Variants in ITPR2 observed in about 807,000 individuals in gnomAD.
The protein encoded by ITPR2 is inositol 1,4,5-trisphosphate receptor type 2.
Under a neutral mutation model 317.1 loss-of-function variants are expected in ITPR2, and 207 were observed. The ratio of observed to expected loss-of-function variants is 0.65; its 90% CI spans 0.58 to 0.73. ITPR2 has a LOEUF of 0.73. ITPR2 is among the 30% of genes least tolerant of loss of function. ITPR2 has a pLI of 0.00. For synonymous variants in ITPR2, 1,156 were observed against 1,149.1 expected (o/e 1.01, Z -0.12); for missense variants, 2,613 against 3,284.0 (o/e 0.80, Z 4.99).
At chr12:26,813,562 T>G (rs1950793618) in intron 1 of ITPR2, among the ~76,000 whole-genome samples, 1 of 152,252 alleles carries the variant, frequency 6.6e-6, no homozygotes, top group Admixed American at 6.5e-5. Flanking sequence ...GCAGCATTAC[T>G]GAGGTATAAT....
chr12:26,651,276 C>T (rs1947246863), intron 21 of ITPR2, among the ~76,000 whole-genome samples: 1 of 152,208 alleles, frequency 6.6e-6, no homozygotes, highest in East Asian at 1.9e-4. Flanking sequence ...CTCTCACCCT[C>T]ATCACTTGTT....
At chr12:26,821,951 T>C (rs1279666076) in intron 1 of ITPR2, among the ~76,000 whole-genome samples, 2 of 152,208 alleles carry the variant, frequency 1.3e-5, no homozygotes, top group African/African-American at 2.4e-5. Context: ...TTTTGGGTTT[T>C]TGTCAGGTTT....
intron 45 of ITPR2, among the ~76,000 whole-genome samples, chr12:26,461,428 A>G (rs1942016232): frequency 6.6e-6 from 1 of 151,802 alleles, no homozygotes; most frequent in African/African-American, 2.4e-5. Context: ...ACACAGCCAG[A>G]CTTATTTGTT....
chr12:26,473,219 A>C (rs989885659), intron 45 of ITPR2, among the ~76,000 whole-genome samples: 3 of 152,186 alleles, frequency 2.0e-5, no homozygotes, highest in African/African-American at 7.2e-5. Flanking sequence ...AGTCTGCTTC[A>C]AACTGAAGTT....
chr12:26,486,883 T>C (rs1487971966), intron 40 of ITPR2, 185 bp downstream of exon 40: 1 of 701,414 alleles, frequency 1.4e-6, no homozygotes, highest in Non-Finnish European at 2.6e-6. Flanking sequence ...TTATGTCTCA[T>C]TTAAGTTTAG....
chr12:26,340,286 G>T lies in ITPR2; in HGVS notation c.7900C>A (p.Leu2634Ile). ...TCACTGTCGCCTTCATTGCTAACGA[G>T]GGACATGGCTCGCATCCGAGGAAAC... ...DWFPRMRAMS[L>I]VSNEGDSEQN... The change falls in exon 56 of 57, where the codon CTC (leucine) becomes ATC (isoleucine). Residue 2634 changes from leucine (L) to isoleucine (I), a missense_variant. Physicochemically the swap from Leu to Ile is conservative, Grantham distance 5. Around this residue, in one of 9 missense-constraint regions of ITPR2, gnomAD observed 119 missense variants for 144.3 expected, o/e 0.82. Coordinates refer to ENST00000381340, the MANE Select transcript of ITPR2 (RefSeq NM_002223.4). 6.2e-7 allele frequency: 1 copy of T among 1,609,232 alleles called. No homozygotes were observed. Among genetic ancestry groups the T allele is most frequent in the Non-Finnish European group, 8.5e-7 (1 of 1,177,894 alleles).
At chr12:26,588,656 AG>A (rs1274612497) in intron 32 of ITPR2, among the ~76,000 whole-genome samples, 1 of 152,218 alleles carries the variant, frequency 6.6e-6, no homozygotes, top group Non-Finnish European at 1.5e-5. Flanking sequence ...AAAAATTTTA[AG>A]TAAAAACTTG....
chr12:26,797,656 T>C (rs970197186), intron 1 of ITPR2, among the ~76,000 whole-genome samples: 6 of 150,544 alleles, frequency 4.0e-5, no homozygotes, highest in Non-Finnish European at 7.4e-5. Flanking sequence ...AGATGGTGGA[T>C]AGATTCATAA....
chr12:26,589,817 T>A (rs1414161374), intron 32 of ITPR2, among the ~76,000 whole-genome samples: 2,978 of 32,422 alleles, frequency 0.092, 772 homozygotes, highest in Non-Finnish European at 0.15. Context: ...AAAAAATAAA[T>A]AAATAAATAA....
At chr12:26,794,446 C>T (rs1040203972) in intron 1 of ITPR2, among the ~76,000 whole-genome samples, 2 of 152,090 alleles carry the variant, frequency 1.3e-5, no homozygotes, top group Non-Finnish European at 2.9e-5. Flanking sequence ...CTGTCCATGT[C>T]CAGAAATATA....
intron 35 of ITPR2, among the ~76,000 whole-genome samples, chr12:26,557,491 G>A (rs1022007162): frequency 6.6e-5 from 10 of 152,214 alleles, no homozygotes; most frequent in African/African-American, 2.4e-4. Context: ...GGTACATGTG[G>A]TGTGTGGGGA....
chr12:26,544,347 C>G (rs886795640), intron 37 of ITPR2, among the ~76,000 whole-genome samples: 2 of 151,936 alleles, frequency 1.3e-5, no homozygotes, highest in East Asian at 3.8e-4. Context: ...AAATTATAAG[C>G]TTTTAATAAA....
chr12:26,342,790 G>A (rs765691229), intron 55 of ITPR2, among the ~76,000 whole-genome samples: 15 of 152,134 alleles, frequency 9.9e-5, no homozygotes, highest in Middle Eastern at 3.4e-3. Flanking sequence ...TGAATTTTTA[G>A]TAGAGATGGG....
intron 55 of ITPR2, among the ~76,000 whole-genome samples, chr12:26,359,185 A>G (rs529534136): frequency 2.0e-5 from 3 of 152,360 alleles, no homozygotes; most frequent in Admixed American, 2.0e-4. Context: ...GAATAAGTGA[A>G]GAAATACAGA....
intron 37 of ITPR2, among the ~76,000 whole-genome samples, chr12:26,498,380 A>C (rs1001317059): frequency 3.3e-5 from 5 of 152,210 alleles, no homozygotes; most frequent in African/African-American, 1.2e-4. Context: ...AGTTGAATTA[A>C]ATTCACCTGG....
At chr12:26,359,338 A>G (rs1487459904) in intron 55 of ITPR2, among the ~76,000 whole-genome samples, 1 of 152,168 alleles carries the variant, frequency 6.6e-6, no homozygotes, top group East Asian at 1.9e-4. Flanking sequence ...CTAGGATGAA[A>G]CCAGTCTTGG....
chr12:26,716,690 G>A (rs2137033302), intron 5 of ITPR2, among the ~76,000 whole-genome samples: 1 of 152,244 alleles, frequency 6.6e-6, no homozygotes, highest in African/African-American at 2.4e-5. Flanking sequence ...TAAGAGATGA[G>A]TAAATTTGAT....
chr12:26,390,447 TG>T (rs1939798439), intron 54 of ITPR2, among the ~76,000 whole-genome samples: 1 of 152,194 alleles, frequency 6.6e-6, no homozygotes, highest in Non-Finnish European at 1.5e-5. Flanking sequence ...TACTGATACC[TG>T]CTACAACATG....
chr12:26,541,979 A>G (rs1253134313), intron 37 of ITPR2, among the ~76,000 whole-genome samples: 1 of 152,182 alleles, frequency 6.6e-6, no homozygotes, highest in African/African-American at 2.4e-5. Context: ...TTTCAAATCA[A>G]GAATCCATTG....
Sources: gnomAD v4.1 joint callset for allele counts (sites outside exome capture counted in the v4.1 genomes callset) on GRCh38, gnomAD v4.1.1 for gene constraint, gnomAD v4.1.1 regional missense constraint, MANE v1.5 for transcripts, NCBI Gene and HGNC (gene_info 2026-07-23, HGNC 2026-07-21) for gene names.